The following CELF2 variants were observed in gnomAD, a reference collection of about 807,000 sequenced individuals.
The protein encoded by CELF2 is CUGBP Elav-like family member 2.
Under a neutral mutation model 62.6 loss-of-function variants are expected in CELF2, and 8 were observed. That is an observed-to-expected ratio of 0.13 (90% confidence interval 0.07 to 0.23). The LOEUF (loss-of-function observed/expected upper bound fraction) is 0.23. Among genes scored for constraint, CELF2 ranks in the 10% least tolerant of loss-of-function variants. CELF2 has a pLI of 1.00. For missense variants in CELF2, 333 were observed against 671.0 expected (o/e 0.50, Z 5.56); for synonymous variants, 258 against 250.0 (o/e 1.03, Z -0.30).
At chr10:10,755,263 T>C in the CELF2 span, among the ~76,000 whole-genome samples, 2 of 152,214 alleles carry the variant, frequency 1.3e-5, no homozygotes, top group Admixed American at 6.5e-5. Flanking sequence ...AGTGAGAACA[T>C]GAGTTTCTTC....
intron 1 of CELF2, among the ~76,000 whole-genome samples, chr10:10,804,106 A>G (rs1007695053): frequency 2.0e-5 from 3 of 152,210 alleles, no homozygotes; most frequent in Non-Finnish European, 4.4e-5. Flanking sequence ...AATCTGATCT[A>G]TATGTAGTGT....
intron 3 of CELF2, among the ~76,000 whole-genome samples, chr10:11,238,678 T>TA (rs2072539640): frequency 6.6e-6 from 1 of 152,190 alleles, no homozygotes; most frequent in Non-Finnish European, 1.5e-5. Flanking sequence ...ATGGGAAGGT[T>TA]AAAAAACGGC....
At chr10:10,523,479 A>G in the CELF2 span, among the ~76,000 whole-genome samples, 1 of 152,210 alleles carries the variant, frequency 6.6e-6, no homozygotes, top group Non-Finnish European at 1.5e-5. Context: ...ATAGTGCTGT[A>G]TACATTTACA....
the CELF2 span, among the ~76,000 whole-genome samples, chr10:10,697,984 G>T: frequency 2.0e-5 from 3 of 152,084 alleles, no homozygotes; most frequent in African/African-American, 7.2e-5. Flanking sequence ...GTACAGACAG[G>T]GTTTTACCAT....
chr10:10,641,230 A>C, the CELF2 span, among the ~76,000 whole-genome samples: 4 of 152,186 alleles, frequency 2.6e-5, no homozygotes, highest in African/African-American at 9.6e-5. Flanking sequence ...CAAGGTTTAC[A>C]TTCTATGGCT....
intron 8 of CELF2, among the ~76,000 whole-genome samples, chr10:11,275,363 T>C (rs2085645386): frequency 6.6e-6 from 1 of 152,228 alleles, no homozygotes; most frequent in African/African-American, 2.4e-5. Flanking sequence ...GAAATCCTGA[T>C]TGGCATCTAT....
the CELF2 span, among the ~76,000 whole-genome samples, chr10:10,674,119 G>A: frequency 6.6e-6 from 1 of 152,132 alleles, no homozygotes. Context: ...TGATAGAGGG[G>A]TATTAAAGTC....
chr10:11,007,607 C>T (rs1221729792), intron 1 of CELF2, among the ~76,000 whole-genome samples: 1 of 152,144 alleles, frequency 6.6e-6, no homozygotes, highest in Non-Finnish European at 1.5e-5. Context: ...CGGAACTGCT[C>T]ATTCCATCGT....
the CELF2 span, among the ~76,000 whole-genome samples, chr10:10,600,462 T>A: frequency 6.6e-6 from 1 of 152,200 alleles, no homozygotes; most frequent in Non-Finnish European, 1.5e-5. Context: ...GGATACAATT[T>A]GGATCAAAAC....
the CELF2 span, among the ~76,000 whole-genome samples, chr10:10,726,887 C>T: frequency 6.6e-6 from 1 of 152,158 alleles, no homozygotes; most frequent in South Asian, 2.1e-4. Flanking sequence ...CACGGTTCTG[C>T]AGGCTGTACA....
chr10:10,981,383 T>TA (rs1491207161), intron 2 of CELF2, among the ~76,000 whole-genome samples: 1 of 152,204 alleles, frequency 6.6e-6, no homozygotes, highest in East Asian at 1.9e-4. Context: ...CACTAAAAAC[T>TA]AATAAGCCAG....
chr10:10,566,840 C>T, the CELF2 span, among the ~76,000 whole-genome samples: 2 of 152,070 alleles, frequency 1.3e-5, no homozygotes, highest in African/African-American at 4.8e-5. Flanking sequence ...ATTGTTTTGG[C>T]TTCTTGAAAA....
chr10:10,632,418 C>T, the CELF2 span, among the ~76,000 whole-genome samples: 1 of 152,078 alleles, frequency 6.6e-6, no homozygotes, highest in Non-Finnish European at 1.5e-5. Context: ...TTTCTAATTT[C>T]ATACACACAC....
chr10:11,051,036 C>T (rs1389144807), intron 1 of CELF2, among the ~76,000 whole-genome samples: 2 of 152,194 alleles, frequency 1.3e-5, no homozygotes, highest in Admixed American at 6.5e-5. Context: ...CTATTTTTAG[C>T]AGCTAGATCA....
intron 1 of CELF2, among the ~76,000 whole-genome samples, chr10:11,044,015 T>C (rs2062340827): frequency 6.6e-6 from 1 of 152,230 alleles, no homozygotes; most frequent in African/African-American, 2.4e-5. Flanking sequence ...GTGCTCGCTC[T>C]TCTCTCTGCC....
At chr10:10,532,923 A>G in the CELF2 span, among the ~76,000 whole-genome samples, 1 of 151,282 alleles carries the variant, frequency 6.6e-6, no homozygotes, top group African/African-American at 2.4e-5. Context: ...CCCACTCAAG[A>G]AGACATCTTG....
At position 10,983,655 on chromosome 10, in the gene CELF2, C is replaced by T. The variant is rs2052406915; in HGVS notation, c.89+63656C>T. 1.3e-5 allele frequency among the ~76,000 whole-genome samples: 2 copies of T among 152,188 alleles called. No individual in the cohort carries two copies. The highest frequency in any genetic ancestry group is 1.3e-4 in the Admixed American group (2 of 15,280). On this transcript the variant is annotated intron_variant, in intron 2 of 13. Coordinates refer to the CELF2 transcript ENST00000636488. This position sits in a 1 kb window ranked among gnomAD's most constrained non-coding sequence, Gnocchi z 5.2. Reference sequence around the variant, plus strand: ...CAATCTTGGCTCACTGCAACCTCCACCTCCCAGGTTCAAGCGATTCTCCTG... The same window carrying T: ...CAATCTTGGCTCACTGCAACCTCCATCTCCCAGGTTCAAGCGATTCTCCTG...
At chr10:10,789,885 T>A in the CELF2 span, among the ~76,000 whole-genome samples, 1 of 152,136 alleles carries the variant, frequency 6.6e-6, no homozygotes, top group Non-Finnish European at 1.5e-5. Context: ...TATGATGTTT[T>A]TGATAAACGG....
chr10:10,860,976 C>T (rs1267128937), intron 1 of CELF2, among the ~76,000 whole-genome samples: 2 of 152,154 alleles, frequency 1.3e-5, no homozygotes, highest in Non-Finnish European at 2.9e-5. Flanking sequence ...GACTGGAGGA[C>T]AGTGGCTCAT....
Sources: allele counts gnomAD v4.1 joint callset (sites outside exome capture counted in the v4.1 genomes callset), GRCh38; gene constraint gnomAD v4.1.1; non-coding constraint Gnocchi (gnomAD v3.1); transcripts MANE v1.5; gene names NCBI Gene and HGNC (gene_info 2026-07-23, HGNC 2026-07-21).